SVOPL: variants seen among roughly 807,000 people sequenced by gnomAD.
SVOPL encodes SVOP like, also known as putative transporter SVOPL.
Under a neutral mutation model 61.0 loss-of-function variants are expected in SVOPL, and 60 were observed. That is an observed-to-expected ratio of 0.98 (90% CI 0.80 to 1.22). The LOEUF is 1.22. SVOPL is among the 50% of genes most tolerant of loss of function. SVOPL has a pLI of 0.00. For missense variants in SVOPL, 662 were observed against 643.9 expected (o/e 1.03, Z -0.30); for synonymous variants, 279 against 250.0 (o/e 1.12, Z -1.09).
intron 14 of SVOPL, among the ~76,000 whole-genome samples, chr7:138,620,182 G>A (rs1462045249): frequency 7.5e-6 from 1 of 133,392 alleles, no homozygotes; most frequent in South Asian, 2.4e-4. Flanking sequence ...GTGCAGTGAC[G>A]CGATCTCGGC....
At chr7:138,682,449 G>A (rs1259630787) in intron 1 of SVOPL, among the ~76,000 whole-genome samples, 4 of 152,058 alleles carry the variant, frequency 2.6e-5, no homozygotes, top group African/African-American at 2.4e-5. Context: ...GCTTACACAG[G>A]AAATGAAGAA....
chr7:138,636,309 T>C (rs1800464741), intron 9 of SVOPL, among the ~76,000 whole-genome samples: 1 of 152,138 alleles, frequency 6.6e-6, no homozygotes, highest in South Asian at 2.1e-4. Context: ...ATAAGAAATG[T>C]GCAGTACTGA....
At chr7:138,656,592 A>G in intron 6 of SVOPL, 81 bp from the exon 7 acceptor site, 18 of 1,445,430 alleles carry the variant, frequency 1.2e-5, no homozygotes, top group Non-Finnish European at 1.2e-5. Context: ...TTTTCTTGTC[A>G]CAGGGATAAA....
chr7:138,673,617 C>G (rs1433140037), intron 3 of SVOPL, among the ~76,000 whole-genome samples: 1 of 152,084 alleles, frequency 6.6e-6, no homozygotes, highest in Non-Finnish European at 1.5e-5. Context: ...TGCACTCCAG[C>G]CTGGGTGACA....
chr7:138,602,441 C>CTATATATATATATATATATATATA (rs59400217), intron 14 of SVOPL, among the ~76,000 whole-genome samples: 4 of 140,738 alleles, frequency 2.8e-5, no homozygotes, highest in South Asian at 2.3e-4. Context: ...AAGGCAGTTG[C>CTATATATATATATATATATATATA]TATATATATA....
At chr7:138,683,180 T>C (rs1235244697) in intron 1 of SVOPL, among the ~76,000 whole-genome samples, 2 of 151,918 alleles carry the variant, frequency 1.3e-5, no homozygotes, top group African/African-American at 4.8e-5. Flanking sequence ...ACTAATGAAA[T>C]GATGATGTCT....
intron 7 of SVOPL, among the ~76,000 whole-genome samples, chr7:138,656,090 C>T (rs1801717760): frequency 6.6e-6 from 1 of 152,100 alleles, no homozygotes; most frequent in African/African-American, 2.4e-5. Flanking sequence ...CAACCGCCAC[C>T]CTGATCAGCC....
chr7:138,621,007 C>G, intron 14 of SVOPL, 39 bp downstream of exon 14: 3 of 1,594,214 alleles, frequency 1.9e-6, no homozygotes. Context: ...TACCCCCTCT[C>G]TCAGACTCTC....
chr7:138,604,328 T>G, intron 14 of SVOPL, among the ~76,000 whole-genome samples: 1 of 152,318 alleles, frequency 6.6e-6, no homozygotes. Flanking sequence ...AAGCATATTT[T>G]TATATTAAGA....
intron 10 of SVOPL, 95 bp downstream of exon 10, chr7:138,629,953 GT>G (rs1800097246): frequency 4.2e-6 from 4 of 943,258 alleles, no homozygotes; most frequent in Non-Finnish European, 5.1e-6. Context: ...TTAGTCTTAT[GT>G]TTTTCTCCCC....
At position 138,594,457 on chromosome 7, in the gene SVOPL, C is replaced by T; in HGVS notation, c.*153G>A. The T allele has an allele frequency of 2.0e-6, 1 of 496,182 alleles. No homozygotes were observed. The highest frequency in any genetic ancestry group is 3.5e-6 in the Non-Finnish European group (1 of 283,858). 30.7% of individuals were successfully genotyped at this position (496,182 alleles called of 1,614,324 possible). ...CAAGGAAGAGATCAATATACAGTTACCTACCCCATTCCCATATATGCCTTT... is the reference window on the plus strand; with the variant it reads ...CAAGGAAGAGATCAATATACAGTTATCTACCCCATTCCCATATATGCCTTT... On this transcript the variant is annotated 3_prime_UTR_variant, in exon 16 of 16. Transcript: ENST00000674285.
chr7:138,648,875 T>A, intron 8 of SVOPL, 137 bp downstream of exon 8: 2 of 1,317,980 alleles, frequency 1.5e-6, no homozygotes, highest in South Asian at 3.2e-5. Flanking sequence ...TGAGCCGAGA[T>A]TGCACCTCTG....
chr7:138,594,675 A>G lies in SVOPL; in HGVS notation c.1468-54T>C, dbSNP rs942797837. The G allele has an allele frequency of 3.8e-6, 5 of 1,332,876 alleles. No individual in the cohort carries two copies. In the African/African-American group the frequency reaches 7.4e-5, roughly 20 times the overall value. 82.6% of individuals were successfully genotyped at this position (1,332,876 alleles called of 1,614,324 possible). A position where few individuals can be genotyped will look rare whatever the true frequency, so the allele number is the denominator to read the frequency against. ...AATAGACTTTTTAAAAGTCTTGTCC[A>G]TTCATACTGAGCTATCTGATATTTT... is the stretch of plus-strand genomic sequence containing the variant. On this transcript the variant is annotated intron_variant, in intron 15 of 15. Coordinates refer to ENST00000674285, the MANE Select transcript of SVOPL (RefSeq NM_001139456.2).
At chr7:138,694,318 C>G (rs1343581570) in intron 1 of SVOPL, among the ~76,000 whole-genome samples, 2 of 151,224 alleles carry the variant, frequency 1.3e-5, no homozygotes, top group Admixed American at 6.6e-5. Flanking sequence ...GATCTCGGCT[C>G]ACTGCAACCT....
In SVOPL at chr7:138,646,760, C is replaced by T. The variant is rs555426794; in HGVS notation, c.661-1915G>A. 2.0e-5 allele frequency among the ~76,000 whole-genome samples: 3 copies of T among 152,256 alleles called. No homozygotes were observed. The South Asian group carries it at 6.2e-4, about 32-fold the overall frequency. On this transcript the variant is annotated intron_variant, in intron 8 of 15. Transcript: ENST00000674285. ...TCTTGAACTCCTGGGCTCAAGCGAT[C>T]CTCCTGCCTTGGTTTTCTAAAGTGC...
intron 1 of SVOPL, among the ~76,000 whole-genome samples, chr7:138,696,961 G>T (rs142059382): frequency 6.6e-6 from 1 of 152,174 alleles, no homozygotes; most frequent in Non-Finnish European, 1.5e-5. Flanking sequence ...ACCTGGAGAC[G>T]ATCAAATGAT....
At chr7:138,633,590 T>G (rs1439587989) in intron 9 of SVOPL, among the ~76,000 whole-genome samples, 1 of 23,030 alleles carries the variant, frequency 4.3e-5, no homozygotes, top group Non-Finnish European at 2.2e-4. Context: ...TAAATCTCTT[T>G]TAACAGTCAC....
At chr7:138,597,111 T>C (rs1463498072) in intron 14 of SVOPL, 4 of 1,271,100 alleles carry the variant, frequency 3.1e-6, no homozygotes, top group Non-Finnish European at 4.1e-6. Flanking sequence ...TGCTTTGGCC[T>C]GGATCTTTTC....
chr7:138,678,872 T>C, intron 2 of SVOPL, 92 bp downstream of exon 2: 1 of 1,330,212 alleles, frequency 7.5e-7, no homozygotes. Context: ...GCCTGGCTGC[T>C]TCTTTTGACC....
Sources: gnomAD v4.1 joint callset for allele counts (sites outside exome capture counted in the v4.1 genomes callset) on GRCh38, gnomAD v4.1.1 for gene constraint, MANE v1.5 for transcripts, NCBI Gene and HGNC (gene_info 2026-07-23, HGNC 2026-07-21) for gene names.